The following ZNF397 variants were observed in gnomAD, a reference collection of about 807,000 sequenced individuals.
ZNF397 encodes the protein zinc finger protein 397.
In ZNF397, 38 loss-of-function variants were observed where a neutral mutation model predicts 50.6. That is an observed-to-expected ratio of 0.75 (90% CI 0.58 to 0.98). The LOEUF is 0.98. ZNF397 is among the 50% of genes least tolerant of loss of function. The probability of loss-of-function intolerance (pLI) is 0.00; values close to 1 mark genes in which losing one functional copy is unlikely to be tolerated. For synonymous variants in ZNF397, 228 were observed against 215.2 expected (o/e 1.06, Z -0.52); for missense variants, 624 against 624.1 (o/e 1.00, Z 0.00).
At chr18:35,257,678 C>T (rs2043882548) in intron 5 of ZNF397, among the ~76,000 whole-genome samples, 1 of 152,166 alleles carries the variant, frequency 6.6e-6, no homozygotes, top group Non-Finnish European at 1.5e-5. Flanking sequence ...ATTAAGACAG[C>T]TCCTAACTAT....
intron 3 of ZNF397, 133 bp from the exon 4 acceptor site, chr18:35,245,119 CCCTCTTTTGG>C (rs1233719734): frequency 9.7e-7 from 1 of 1,030,422 alleles, no homozygotes; most frequent in African/African-American, 1.6e-5. Context: ...ATAAGAGAGA[CCCTCTTTTGG>C]CCAGTTGAAA....
Position 35,245,522 on chromosome 18 carries a change from A to C in ZNF397, c.817A>C (p.Ile273Leu). The C allele has an allele frequency of 6.4e-7, 1 of 1,552,440 alleles. No homozygotes were observed. Among genetic ancestry groups the C allele is most frequent in the Non-Finnish European group, 8.7e-7 (1 of 1,147,160 alleles). The change falls in exon 4 of 4, where the codon ATA becomes CTA. Residue 273 changes from isoleucine (I) to leucine (L), a missense_variant. Coordinates refer to ENST00000330501, the MANE Select transcript of ZNF397 (RefSeq NM_001135178.3). ...ATGCTTGATTCTAACTACAGACTCT[A>C]TAATGTGTCAGAAAGTTCCTCCAGA... ...ERCLILTTDS[I>L]MCQKVPPEER... is the part of the protein sequence containing the mutation.
At chr18:35,250,818 CCTT>C (rs1203976413), downstream of ZNF397, among the ~76,000 whole-genome samples, 2 of 152,188 alleles carry the variant, frequency 1.3e-5, no homozygotes, top group African/African-American at 2.4e-5. Context: ...TTAAGAGGCT[CCTT>C]CTTGCTCTCA....
chr18:35,244,245 T>A (rs1305342660), intron 3 of ZNF397: 1 of 154,282 alleles, frequency 6.5e-6, no homozygotes, highest in Non-Finnish European at 1.5e-5. Flanking sequence ...TTGAGGATGA[T>A]ACTGAGGTTT....
chr18:35,244,165 C>T (rs1912751303), intron 3 of ZNF397: 1 of 154,390 alleles, frequency 6.5e-6, no homozygotes, highest in Admixed American at 6.5e-5. Context: ...AAGCTGACTC[C>T]TGTTCAACAG....
chr18:35,250,121 A>G (rs2043553178), downstream of ZNF397, among the ~76,000 whole-genome samples: 1 of 152,180 alleles, frequency 6.6e-6, no homozygotes, highest in Non-Finnish European at 1.5e-5. Context: ...CAAAGTATAA[A>G]TCTGGGTGCA....
rs1399781677 is a variant in ZNF397, at chr18:35,245,771, C to G, written c.1066C>G (p.Leu356Val). 3 of 1,552,006 alleles carry G rather than the reference C, an allele frequency of 1.9e-6. No homozygotes were observed. The highest frequency in any genetic ancestry group is 2.6e-6 in the Non-Finnish European group (3 of 1,147,166). ...CGKAFNQSSA[L>V]IRHRKIHTGE... ...GAAAGCTTTCAATCAGAGCTCAGCC[C>G]TCATTAGACATCGGAAAATCCATAC... is the stretch of plus-strand genomic sequence containing the variant. The change falls in exon 4 of 4, where the codon CTC becomes GTC. Residue 356 changes from leucine (L) to valine (V), a missense_variant. Leu to Val is a conservative substitution (Grantham distance 32). Coordinates refer to ENST00000330501, the MANE Select transcript of ZNF397 (RefSeq NM_001135178.3).
downstream of ZNF397, chr18:35,252,832 A>G (rs2043645787): frequency 6.5e-6 from 1 of 152,820 alleles, no homozygotes; most frequent in Non-Finnish European, 1.5e-5. Context: ...AGCACATAGC[A>G]GGTGCTCAAT....
rs1415940593 is a variant in ZNF397, at chr18:35,242,767, G to A, written c.297G>A (p.Leu99=). 6.2e-7 allele frequency: 1 copy of A among 1,614,176 alleles called. No homozygotes were observed. The highest frequency in any genetic ancestry group is 2.2e-5 in the East Asian group (1 of 44,878). Residue 99 remains leucine (L), a synonymous_variant, in exon 2 of 4, where the codon CTG becomes CTA. Transcript: ENST00000330501. ...ILELLVLEQF[L]SILPEELQIW... is the part of the protein sequence containing the mutation. The stretch of plus-strand genomic sequence containing the variant: ...AACTGCTGGTACTGGAGCAGTTCCT[G>A]AGCATTCTGCCTGAGGAGCTGCAGA...
Position 35,246,427 on chromosome 18 carries a change from T to C in ZNF397, c.*117T>C. Reference sequence around the variant, plus strand: ...GTTATAAAATACTAGGTCTTGAGTCTAGCTTGCTTTGTGCAGCATTTCCCA... The same window carrying C: ...GTTATAAAATACTAGGTCTTGAGTCCAGCTTGCTTTGTGCAGCATTTCCCA... On this transcript the variant is annotated 3_prime_UTR_variant, in exon 4 of 4. Coordinates refer to ENST00000330501, the MANE Select transcript of ZNF397 (RefSeq NM_001135178.3). 6.9e-7 allele frequency: 1 copy of C among 1,449,720 alleles called. No homozygotes were observed. The highest frequency in any genetic ancestry group is 1.4e-5 in the African/African-American group (1 of 69,832). 89.8% of individuals were successfully genotyped at this position (1,449,720 alleles called of 1,614,324 possible).
chr18:35,245,834 G>A lies in ZNF397; in HGVS notation c.1129G>A (p.Ala377Thr). The A allele has an allele frequency of 4.5e-6, 7 of 1,552,506 alleles. No homozygotes were observed. Among genetic ancestry groups the A allele is most frequent in the Non-Finnish European group, 6.1e-6 (7 of 1,147,404 alleles). Residue 377 changes from alanine (A) to threonine (T), a missense_variant, in exon 4 of 4, where the codon GCA (alanine) becomes ACA (threonine). Ala to Thr is a moderately conservative substitution (Grantham distance 58). Transcript: ENST00000330501. ...KACKCNECGK[A>T]FSQSSYLIIH... ...TTGTAAATGTAATGAGTGTGGCAAA[G>A]CATTCAGTCAAAGTTCATATCTCAT...
At position 35,245,616 on chromosome 18, in the gene ZNF397, A is replaced by C; in HGVS notation, c.911A>C (p.Gln304Pro). 2 of 1,554,548 alleles carry C rather than the reference A, an allele frequency of 1.3e-6. No homozygotes were observed. The highest frequency in any genetic ancestry group is 1.7e-6 in the Non-Finnish European group (2 of 1,148,428). The change falls in exon 4 of 4, where the codon CAG becomes CCG. Residue 304 changes from glutamine to proline, a missense_variant. Physicochemically the swap from Gln to Pro is moderately conservative, Grantham distance 76. Transcript: ENST00000330501. ...CAGCATTCCTCTCTAACACAACATC[A>C]GAGAATCCATACTGGAGAAAAGCCC... ...FKQHSSLTQHQRIHTGEKPYK... is the reference protein window; with the variant it reads ...FKQHSSLTQHPRIHTGEKPYK...
downstream of ZNF397, chr18:35,249,868 CTTTT>C (rs1292681051): frequency 6.6e-6 from 1 of 151,890 alleles, no homozygotes; most frequent in African/African-American, 2.4e-5. Context: ...TTTTCTTGTG[CTTTT>C]TTGTGTTTTC....
Position 35,245,297 on chromosome 18 carries a change from AT to A in ZNF397, c.593del (p.Ile198ThrfsTer25). The A allele has an allele frequency of 6.2e-7, 1 of 1,610,606 alleles. No individual in the cohort carries two copies. On this transcript the variant is annotated frameshift_variant, in exon 4 of 4. Transcript: ENST00000330501. LOFTEE classifies it high-confidence loss of function. ...CAGTGAAACAGCAACAAAAGAGGGC[AT>A]CTCAGAAGAAAAATCACAGGGACTC... ...ENSETATKEG[I>X]SEEKSQGLPQ... is the part of the protein sequence containing the mutation.
Position 35,249,175 on chromosome 18 carries a change from AACAG to A in ZNF397, c.*2870_*2873del, listed in dbSNP as rs1353341916. On this transcript the variant is annotated 3_prime_UTR_variant, in exon 4 of 4. Coordinates refer to ENST00000330501, the MANE Select transcript of ZNF397 (RefSeq NM_001135178.3). ...GTTGAGATGACACTTTTCCTTATAA[AACAG>A]ACAGGGATTCAGGGACATTGGGACT... is the stretch of plus-strand genomic sequence containing the variant. 5.3e-5 allele frequency: 8 copies of A among 152,206 alleles called. No individual in the cohort carries two copies. The highest frequency in any genetic ancestry group is 3.2e-3 in the Middle Eastern group (1 of 316). The allele number at this position is 152,206 out of a possible 1,614,324, so 9.4% of individuals were successfully genotyped here.
At chr18:35,250,600 G>T (rs973340038), downstream of ZNF397, among the ~76,000 whole-genome samples, 4 of 152,188 alleles carry the variant, frequency 2.6e-5, no homozygotes, top group Non-Finnish European at 5.9e-5. Context: ...CCAGCTGAAA[G>T]GATTGGAAAT....
chr18:35,248,894 A>T lies in ZNF397; in HGVS notation c.*2584A>T, dbSNP rs536026239. The T allele has an allele frequency of 4.6e-5, 7 of 152,272 alleles. No homozygotes were observed. Among genetic ancestry groups the T allele is most frequent in the African/African-American group, 1.7e-4 (7 of 41,560 alleles). The allele number at this position is 152,272 out of a possible 1,614,324, so 9.4% of individuals were successfully genotyped here. ...AATAGATACTTGCTAAGGGCTTTGT[A>T]TATACTTATTATTGTTATTTCTCAG... is the stretch of plus-strand genomic sequence containing the variant. On this transcript the variant is annotated 3_prime_UTR_variant, in exon 4 of 4. Coordinates refer to ENST00000330501, the MANE Select transcript of ZNF397 (RefSeq NM_001135178.3).
At chr18:35,241,933 G>T (rs961132890) in intron 1 of ZNF397, among the ~76,000 whole-genome samples, 3 of 143,984 alleles carry the variant, frequency 2.1e-5, no homozygotes, top group African/African-American at 8.9e-5. Flanking sequence ...TAGATAGAAA[G>T]TAAGTAAAAA....
chr18:35,254,901 C>T (rs893225870), intron 5 of ZNF397: 1 of 160,106 alleles, frequency 6.2e-6, no homozygotes, highest in Non-Finnish European at 1.4e-5. Context: ...AAGGCAATTT[C>T]AGATTCTGAT....
Sources: allele counts gnomAD v4.1 joint callset (sites outside exome capture counted in the v4.1 genomes callset), GRCh38; gene constraint gnomAD v4.1.1; transcripts MANE v1.5; gene names NCBI Gene and HGNC (gene_info 2026-07-23, HGNC 2026-07-21).